TOGARAM2: variants seen among roughly 807,000 people sequenced by gnomAD.
TOGARAM2 encodes the protein TOG array regulator of axonemal microtubules 2.
Under a neutral mutation model 93.3 loss-of-function variants are expected in TOGARAM2, and 85 were observed. The ratio of observed to expected loss-of-function variants is 0.91; its 90% CI spans 0.76 to 1.09. TOGARAM2 has a LOEUF of 1.09. Ranked by LOEUF, TOGARAM2 falls within the 50% of genes least tolerant of loss-of-function variation. The probability of loss-of-function intolerance (pLI) is 0.00; values close to 1 mark genes in which losing one functional copy is unlikely to be tolerated. For synonymous variants in TOGARAM2, 593 were observed against 552.8 expected, an observed-to-expected ratio of 1.07 and a Z score of -1.02; for missense variants, 1,277 against 1,334.5, an observed-to-expected ratio of 0.96 and a Z score of 0.67.
intron 1 of TOGARAM2, chr2:28,970,942 C>T (rs1386814150): frequency 1.3e-5 from 2 of 152,244 alleles, no homozygotes; most frequent in African/African-American, 4.8e-5. Flanking sequence ...GCCTGGCTTT[C>T]ACTCCGGCTG....
intron 6 of TOGARAM2, among the ~76,000 whole-genome samples, chr2:29,005,863 T>G (rs999548790): frequency 4.1e-5 from 6 of 147,912 alleles, no homozygotes; most frequent in Non-Finnish European, 7.5e-5. Flanking sequence ...TGTGCATATG[T>G]GTCAGTGCAT....
chr2:29,007,689 C>T (rs6742719), intron 6 of TOGARAM2, among the ~76,000 whole-genome samples: 3 of 151,732 alleles, frequency 2.0e-5, no homozygotes, highest in African/African-American at 7.3e-5. Flanking sequence ...GAATGAATGG[C>T]GGGTCCTTTG....
chr2:28,983,199 T>TAATATATATA (rs1491158838), intron 1 of TOGARAM2, among the ~76,000 whole-genome samples: 1 of 12,502 alleles, frequency 8.0e-5, no homozygotes, highest in Admixed American at 1.5e-3. Context: ...TATATATATA[T>TAATATATATA]TTTTTTTTTT....
Position 29,036,775 on chromosome 2 carries a change from G to T in TOGARAM2, c.2635+18G>T. The stretch of plus-strand genomic sequence containing the variant: ...GAGCCTGGGTGAGTGTCCCACGTGG[G>T]CCTGTGTGGCTCTGGTCACCATGTC... On this transcript the variant is annotated intron_variant, in intron 18 of 19. Transcript: ENST00000379558. 1 of 1,604,350 alleles carries T rather than the reference G, an allele frequency of 6.2e-7. No individual in the cohort carries two copies. The highest frequency in any genetic ancestry group is 8.5e-7 in the Non-Finnish European group (1 of 1,174,842).
chr2:29,022,937 G>A (rs1665056410), intron 11 of TOGARAM2, 149 bp from the exon 12 acceptor site: 7 of 642,270 alleles, frequency 1.1e-5, no homozygotes, highest in Non-Finnish European at 2.7e-6. Context: ...GTGTTACCCC[G>A]GGAAACCCTG....
At chr2:29,004,988 G>A (rs1673580851) in intron 6 of TOGARAM2, among the ~76,000 whole-genome samples, 1 of 127,870 alleles carries the variant, frequency 7.8e-6, no homozygotes, top group Non-Finnish European at 1.7e-5. Flanking sequence ...GTGTATGTGT[G>A]TGAGTGCATG....
chr2:29,032,527 A>C (rs1665829779), intron 14 of TOGARAM2, among the ~76,000 whole-genome samples: 1 of 152,256 alleles, frequency 6.6e-6, no homozygotes, highest in South Asian at 2.1e-4. Context: ...ATATTAGAAC[A>C]AAATTGAGTA....
chr2:28,987,448 C>G (rs1390612637), intron 1 of TOGARAM2, among the ~76,000 whole-genome samples: 2 of 152,146 alleles, frequency 1.3e-5, no homozygotes, highest in African/African-American at 4.8e-5. Context: ...CACCACCACG[C>G]CCAGCTAATT....
At chr2:29,017,713 G>A in intron 9 of TOGARAM2, 79 bp from the exon 10 acceptor site, 10 of 1,394,554 alleles carry the variant, frequency 7.2e-6, no homozygotes, top group Non-Finnish European at 7.7e-6. Flanking sequence ...GGCCAGCCAT[G>A]GGTCCATTTT....
At chr2:28,972,563 A>G (rs1367566795) in intron 1 of TOGARAM2, 3 of 152,320 alleles carry the variant, frequency 2.0e-5, no homozygotes, top group Admixed American at 2.0e-4. Context: ...TTCCCTTACC[A>G]TAGAATATTT....
intron 13 of TOGARAM2, among the ~76,000 whole-genome samples, chr2:29,026,406 C>T (rs981007584): frequency 2.6e-5 from 4 of 152,190 alleles, no homozygotes; most frequent in African/African-American, 9.7e-5. Context: ...AAGGGTGCAA[C>T]TGTACTTCCC....
intron 5 of TOGARAM2, 23 bp from the exon 6 acceptor site, chr2:29,003,469 C>A (rs554337634): frequency 1.4e-6 from 2 of 1,472,064 alleles, no homozygotes; most frequent in Non-Finnish European, 1.8e-6. Context: ...TAGGCCAGAC[C>A]CCTGTCCCGC....
chr2:28,978,930 C>T (rs188796871), upstream of TOGARAM2, among the ~76,000 whole-genome samples: 445 of 151,690 alleles, frequency 2.9e-3, 3 homozygotes, highest in African/African-American at 0.01. Flanking sequence ...TTGTGAGACT[C>T]GAGGCTTAAA....
intron 14 of TOGARAM2, among the ~76,000 whole-genome samples, chr2:29,032,414 G>A (rs1018448458): frequency 2.0e-5 from 3 of 152,160 alleles, no homozygotes; most frequent in African/African-American, 7.2e-5. Flanking sequence ...CTTCTATGAA[G>A]CCCTCCTTGA....
intron 10 of TOGARAM2, among the ~76,000 whole-genome samples, chr2:29,019,205 G>A (rs1381642254): frequency 2.3e-5 from 3 of 129,396 alleles, no homozygotes; most frequent in Non-Finnish European, 4.8e-5. Flanking sequence ...TTTTATGACA[G>A]AGTCTCACTC....
intron 1 of TOGARAM2, among the ~76,000 whole-genome samples, chr2:28,969,825 T>C (rs1456460288): frequency 6.6e-6 from 1 of 151,046 alleles, no homozygotes; most frequent in African/African-American, 2.4e-5. Context: ...TTTTTTTTTT[T>C]TTTTGAGACG....
At chr2:29,009,723 C>T (rs975809598) in intron 6 of TOGARAM2, among the ~76,000 whole-genome samples, 1 of 152,098 alleles carries the variant, frequency 6.6e-6, no homozygotes, top group African/African-American at 2.4e-5. Flanking sequence ...CATGCTTAGA[C>T]GTTTGGGTTG....
rs200338942 is a variant in TOGARAM2 at position 28,993,091 on chromosome 2, G to GA, written c.-110-1625dup. Among the ~76,000 whole-genome samples, 817 of 149,548 alleles carry GA rather than the reference G, an allele frequency of 5.5e-3. 11 individuals carry two copies. Among genetic ancestry groups the GA allele is most frequent in the African/African-American group, 0.019 (761 of 40,620 alleles). On this transcript the variant is annotated intron_variant, in intron 1 of 19. Coordinates refer to ENST00000379558, the MANE Select transcript of TOGARAM2 (RefSeq NM_199280.4). ...AAAAAAAAAAAAATCAGAAGTTAAA[G>GA]AAAAAAAAATCCCTGTGGCCTATTT...
intron 13 of TOGARAM2, among the ~76,000 whole-genome samples, chr2:29,025,751 A>G (rs935609488): frequency 6.6e-6 from 1 of 152,208 alleles, no homozygotes; most frequent in Admixed American, 6.5e-5. Flanking sequence ...AAGAGGTGCC[A>G]TTCTGACAGG....
Sources: gnomAD v4.1 joint callset for allele counts (sites outside exome capture counted in the v4.1 genomes callset) on GRCh38, gnomAD v4.1.1 for gene constraint, MANE v1.5 for transcripts, NCBI Gene and HGNC (gene_info 2026-07-23, HGNC 2026-07-21) for gene names.